Variants in CPED1 observed in about 807,000 individuals in gnomAD.
CPED1 encodes the protein cadherin-like and PC-esterase domain-containing protein 1.
CPED1 carries 114 observed loss-of-function variants against 128.2 expected under a neutral mutation model. The ratio of observed to expected loss-of-function variants is 0.89; its 90% CI spans 0.76 to 1.04. The LOEUF is 1.04. Ranked by LOEUF, CPED1 falls within the 50% of genes least tolerant of loss-of-function variation. The pLI, the probability that CPED1 is intolerant of heterozygous loss-of-function variation, is 0.00. For synonymous variants in CPED1, 462 were observed against 426.7 expected (o/e 1.08, Z -1.02); for missense variants, 1,211 against 1,207.1 (o/e 1.00, Z -0.05).
chr7:121,167,739 T>C (rs1031124847), intron 16 of CPED1, among the ~76,000 whole-genome samples: 2 of 146,390 alleles, frequency 1.4e-5, no homozygotes, highest in East Asian at 3.9e-4. Context: ...TTTTTTTTTT[T>C]TTTTTTTTTT....
intron 16 of CPED1, among the ~76,000 whole-genome samples, chr7:121,175,612 C>G (rs979405177): frequency 9.2e-5 from 14 of 152,000 alleles, no homozygotes. Context: ...TCTACCTTAG[C>G]TAAAAAGCAT....
chr7:121,151,843 A>G (rs560675514), intron 16 of CPED1, among the ~76,000 whole-genome samples: 2 of 148,552 alleles, frequency 1.3e-5, no homozygotes, highest in East Asian at 4.3e-4. Flanking sequence ...CAATTAGGTA[A>G]TGCTGAGAAA....
At chr7:121,191,250 T>C (rs1797131759) in intron 16 of CPED1, among the ~76,000 whole-genome samples, 2 of 152,124 alleles carry the variant, frequency 1.3e-5, no homozygotes, top group Non-Finnish European at 2.9e-5. Flanking sequence ...GCAACGTTTT[T>C]AGAGTTTAAC....
At chr7:121,285,096 T>A (rs1021410710) in intron 22 of CPED1, among the ~76,000 whole-genome samples, 1 of 152,178 alleles carries the variant, frequency 6.6e-6, no homozygotes, top group Non-Finnish European at 1.5e-5. Context: ...ATTCTAGTCT[T>A]CTGTACACCC....
At chr7:121,108,914 C>A (rs1289855668) in intron 7 of CPED1, among the ~76,000 whole-genome samples, 3 of 152,138 alleles carry the variant, frequency 2.0e-5, no homozygotes, top group African/African-American at 4.8e-5. Flanking sequence ...ACAACAACAA[C>A]AAAAAAGATT....
At chr7:121,129,976 CTT>C (rs1795622002) in intron 11 of CPED1, 147 bp from the exon 12 acceptor site, 1 of 600,286 alleles carries the variant, frequency 1.7e-6, no homozygotes, top group African/African-American at 2.0e-5. Flanking sequence ...ACATCAACAA[CTT>C]TGCAGAAAAC....
intron 16 of CPED1, among the ~76,000 whole-genome samples, chr7:121,220,415 G>A (rs1283318259): frequency 3.9e-5 from 6 of 151,904 alleles, no homozygotes; most frequent in African/African-American, 1.4e-4. Context: ...ATAAGTCTGC[G>A]AGACAAGACA....
At chr7:121,143,108 C>T (rs1795944275) in intron 16 of CPED1, among the ~76,000 whole-genome samples, 1 of 151,924 alleles carries the variant, frequency 6.6e-6, no homozygotes, top group South Asian at 2.1e-4. Context: ...GAAAACATAT[C>T]ACTAATTTAG....
At chr7:121,029,078 C>T (rs939160609) in intron 3 of CPED1, among the ~76,000 whole-genome samples, 1 of 151,986 alleles carries the variant, frequency 6.6e-6, no homozygotes, top group Admixed American at 6.6e-5. Context: ...TTAATACTTC[C>T]TTAACCTAAT....
chr7:121,286,326 T>C lies in CPED1; in HGVS notation c.2869-9114T>C, dbSNP rs113745492. Reference sequence around the variant, plus strand: ...GGCCAAATCATATCACTCCTCTTTGTAGAGGTGAGACATTCCAAGTTGCAT... The same window carrying C: ...GGCCAAATCATATCACTCCTCTTTGCAGAGGTGAGACATTCCAAGTTGCAT... On this transcript the variant is annotated intron_variant, in intron 22 of 22. Coordinates refer to ENST00000310396, the MANE Select transcript of CPED1 (RefSeq NM_024913.5). Among the ~76,000 whole-genome samples the C allele has an allele frequency of 1.1e-3, 169 of 152,288 alleles. 1 individual carries two copies. The highest frequency in any genetic ancestry group is 3.9e-3 in the African/African-American group (163 of 41,568).
intron 7 of CPED1, among the ~76,000 whole-genome samples, chr7:121,116,346 G>C (rs1420690982): frequency 2.6e-5 from 4 of 152,168 alleles, no homozygotes; most frequent in African/African-American, 9.6e-5. Flanking sequence ...TTGGTTTTCT[G>C]TGATTTACAC....
intron 3 of CPED1, among the ~76,000 whole-genome samples, chr7:121,018,705 C>T (rs1051187265): frequency 6.6e-6 from 1 of 152,034 alleles, no homozygotes; most frequent in Admixed American, 6.6e-5. Flanking sequence ...ATCCCATTCT[C>T]CTCTAAAATC....
chr7:121,136,027 T>C lies in CPED1; in HGVS notation c.1649-13T>C, dbSNP rs78822434. 8 of 560,600 alleles carry C rather than the reference T, an allele frequency of 1.4e-5. No homozygotes were observed. The highest frequency in any genetic ancestry group is 4.0e-4 in the Middle Eastern group (1 of 2,492). 34.7% of individuals were successfully genotyped at this position (560,600 alleles called of 1,614,324 possible). ...GGTTTTTATTTTAAATTTACATTTC[T>C]TTTTTTTTTTAGCTGCAGTTCCACA... On this transcript the variant is annotated splice_polypyrimidine_tract_variant and intron_variant, in intron 13 of 22. Transcript: ENST00000310396.
intron 14 of CPED1, among the ~76,000 whole-genome samples, chr7:121,138,826 A>G (rs1269343090): frequency 6.6e-6 from 1 of 152,146 alleles, no homozygotes; most frequent in African/African-American, 2.4e-5. Context: ...TTTCCAAAGC[A>G]CAGCCCATAA....
At position 121,297,029 on chromosome 7, in the gene CPED1, CAT is replaced by C. The variant is rs1238067975; in HGVS notation, c.*1378_*1379del. ...ATATATATTTTTATATGAAGATAAACATGAATTTATATTTAACTGTCTTAAAT... is the reference window on the plus strand; with the variant it reads ...ATATATATTTTTATATGAAGATAAACGAATTTATATTTAACTGTCTTAAAT... On this transcript the variant is annotated 3_prime_UTR_variant, in exon 23 of 23. Coordinates refer to ENST00000310396, the MANE Select transcript of CPED1 (RefSeq NM_024913.5). 1 of 151,918 alleles carries C rather than the reference CAT, an allele frequency of 6.6e-6. No individual in the cohort carries two copies. The highest frequency in any genetic ancestry group is 1.5e-5 in the Non-Finnish European group (1 of 67,914). 9.4% of individuals were successfully genotyped at this position (151,918 alleles called of 1,614,324 possible).
chr7:121,226,046 G>A (rs530267361), intron 16 of CPED1, among the ~76,000 whole-genome samples: 1 of 152,220 alleles, frequency 6.6e-6, no homozygotes, highest in African/African-American at 2.4e-5. Flanking sequence ...TGATCCTTTG[G>A]AGGAGAAGAG....
intron 15 of CPED1, 137 bp from the exon 16 acceptor site, chr7:121,141,836 G>T: frequency 1.7e-6 from 1 of 588,040 alleles, no homozygotes; most frequent in Non-Finnish European, 2.9e-6. Context: ...CATAGTTTAG[G>T]TTTCTTATGA....
At chr7:121,117,554 C>CT (rs1196924935) in intron 7 of CPED1, among the ~76,000 whole-genome samples, 12 of 151,762 alleles carry the variant, frequency 7.9e-5, no homozygotes, top group African/African-American at 2.7e-4. Flanking sequence ...AATCACCTTC[C>CT]TTTTCCAAGG....
intron 17 of CPED1, among the ~76,000 whole-genome samples, chr7:121,237,101 C>T (rs936438101): frequency 3.3e-5 from 5 of 152,132 alleles, no homozygotes; most frequent in African/African-American, 9.7e-5. Context: ...AGAGCCTTCC[C>T]TGAGCCTCTG....
Sources: gnomAD v4.1 joint callset for allele counts (sites outside exome capture counted in the v4.1 genomes callset) on GRCh38, gnomAD v4.1.1 for gene constraint, MANE v1.5 for transcripts, NCBI Gene and HGNC (gene_info 2026-07-23, HGNC 2026-07-21) for gene names.